The following CCDC171 variants were observed in gnomAD, a reference collection of about 807,000 sequenced individuals.
CCDC171 encodes coiled-coil domain-containing protein 171.
In CCDC171, 177 loss-of-function variants were observed where a neutral mutation model predicts 168.2. The observed-to-expected ratio is 1.05, with a 90% confidence interval of 0.93 to 1.19. CCDC171 has a LOEUF of 1.19. Ranked by LOEUF, CCDC171 falls within the 50% of genes most tolerant of loss-of-function variation. CCDC171 has a pLI of 0.00. For missense variants in CCDC171, 1,991 were observed against 1,539.0 expected, an observed-to-expected ratio of 1.29 and a Z score of -4.91; for synonymous variants, 687 against 540.8, an observed-to-expected ratio of 1.27 and a Z score of -3.75.
At position 15,817,770 on chromosome 9, in the gene CCDC171, A is replaced by G. The variant is rs1489870931; in HGVS notation, c.3268-28932A>G. Among the ~76,000 whole-genome samples the G allele has an allele frequency of 6.7e-5, 8 of 118,708 alleles. 4 individuals are homozygous for G. The highest frequency in any genetic ancestry group is 1.5e-4 in the Non-Finnish European group (8 of 52,576). 77.9% of individuals were successfully genotyped at this position (118,708 alleles called of 152,430 possible). ...CTCTGTAGGCTCTACCTCTGGGGGC[A>G]GGGCACAGACAAACAAAAGGCAGCA... On this transcript the variant is annotated intron_variant, in intron 21 of 25. Transcript: ENST00000380701.
At chr9:15,698,216 C>G (rs2051369920) in intron 11 of CCDC171, among the ~76,000 whole-genome samples, 1 of 152,090 alleles carries the variant, frequency 6.6e-6, no homozygotes, top group African/African-American at 2.4e-5. Flanking sequence ...TTTTTTAGCT[C>G]TCATGTGTGA....
At chr9:16,082,373 A>C in the CCDC171 span, among the ~76,000 whole-genome samples, 1 of 152,200 alleles carries the variant, frequency 6.6e-6, no homozygotes, top group Non-Finnish European at 1.5e-5. Context: ...AGCAGGTCAC[A>C]TGAGTTTCCA....
chr9:15,793,778 A>T (rs1428332899), intron 21 of CCDC171, among the ~76,000 whole-genome samples: 1 of 151,578 alleles, frequency 6.6e-6, no homozygotes, highest in Non-Finnish European at 1.5e-5. Flanking sequence ...CGATCTCCTC[A>T]CCTCGTGACC....
chr9:15,784,710 G>A lies in CCDC171; in HGVS notation c.3267+16G>A. 6.3e-7 allele frequency: 1 copy of A among 1,587,906 alleles called. No homozygotes were observed. The highest frequency in any genetic ancestry group is 1.7e-5 in the Admixed American group (1 of 59,058). On this transcript the variant is annotated intron_variant, in intron 21 of 25. Transcript: ENST00000380701. The stretch of plus-strand genomic sequence containing the variant: ...AGCTGTTAAGGTAAGAGAATAAAGG[G>A]ATATTTGCATAAAGGGATATTTTAT...
intron 6 of CCDC171, among the ~76,000 whole-genome samples, chr9:15,618,186 C>T (rs1192660474): frequency 6.6e-6 from 1 of 152,184 alleles, no homozygotes; most frequent in African/African-American, 2.4e-5. Context: ...AAGCTCCTGA[C>T]TGAACTGCTG....
chr9:15,626,783 T>C (rs1354034312), intron 7 of CCDC171, among the ~76,000 whole-genome samples: 3 of 152,174 alleles, frequency 2.0e-5, no homozygotes, highest in East Asian at 1.9e-4. Flanking sequence ...CTCTTTTTTT[T>C]AGTTGTGTCT....
chr9:15,751,100 C>G (rs1416523872), intron 18 of CCDC171, among the ~76,000 whole-genome samples: 1 of 152,136 alleles, frequency 6.6e-6, no homozygotes, highest in Non-Finnish European at 1.5e-5. Context: ...AATCAATGTG[C>G]AAAAATCACA....
intron 18 of CCDC171, among the ~76,000 whole-genome samples, chr9:15,773,343 A>G (rs1220795691): frequency 6.6e-6 from 1 of 152,190 alleles, no homozygotes; most frequent in African/African-American, 2.4e-5. Context: ...TGTTGCAATA[A>G]CTTTTCAATG....
chr9:15,611,497 A>C (rs954660556), intron 6 of CCDC171, among the ~76,000 whole-genome samples: 2 of 152,196 alleles, frequency 1.3e-5, no homozygotes, highest in African/African-American at 2.4e-5. Flanking sequence ...TTCCCTAGAA[A>C]GAAATCTTTC....
intron 10 of CCDC171, among the ~76,000 whole-genome samples, chr9:15,686,519 A>T (rs2050404936): frequency 1.3e-5 from 2 of 152,110 alleles, no homozygotes; most frequent in Admixed American, 1.3e-4. Context: ...CATCTAAAAA[A>T]ATAAAAAAAT....
At chr9:15,940,426 A>G (rs1827581942) in intron 25 of CCDC171, among the ~76,000 whole-genome samples, 2 of 151,890 alleles carry the variant, frequency 1.3e-5, no homozygotes, top group Non-Finnish European at 2.9e-5. Context: ...TGACTTCTCA[A>G]CTTCCCACAT....
intron 7 of CCDC171, among the ~76,000 whole-genome samples, chr9:15,640,832 T>C (rs1587665787): frequency 6.6e-6 from 1 of 152,284 alleles, no homozygotes; most frequent in East Asian, 1.9e-4. Flanking sequence ...TTGGAGACTC[T>C]GACCCTCTGA....
chr9:15,617,289 A>G (rs1476201305), intron 6 of CCDC171, among the ~76,000 whole-genome samples: 2 of 151,168 alleles, frequency 1.3e-5, no homozygotes, highest in Non-Finnish European at 2.9e-5. Flanking sequence ...AATTTTCAGC[A>G]TTTTTGTGCT....
At chr9:15,886,124 C>T (rs575679265) in intron 24 of CCDC171, 12 of 151,932 alleles carry the variant, frequency 7.9e-5, no homozygotes, top group Non-Finnish European at 8.8e-5. Context: ...CAATAATCAA[C>T]TCAAAATGGA....
At chr9:16,019,924 C>T (rs922758242) in intron 3 of CCDC171, among the ~76,000 whole-genome samples, 6 of 152,058 alleles carry the variant, frequency 3.9e-5, no homozygotes, top group South Asian at 4.1e-4. Context: ...TTTTAAAATG[C>T]GAATCAATAT....
intron 6 of CCDC171, among the ~76,000 whole-genome samples, chr9:15,610,816 C>A (rs934690276): frequency 2.0e-5 from 3 of 152,038 alleles, no homozygotes; most frequent in South Asian, 2.1e-4. Context: ...GCCTTGGCCT[C>A]CCAAAATCCT....
chr9:15,839,881 G>GA (rs1340332703), intron 21 of CCDC171, among the ~76,000 whole-genome samples: 2 of 152,032 alleles, frequency 1.3e-5, no homozygotes, highest in African/African-American at 4.8e-5. Context: ...ATCCAGTGAA[G>GA]AAACTTTTAA....
chr9:15,646,937 A>G (rs1467888808), intron 7 of CCDC171, among the ~76,000 whole-genome samples: 2 of 152,220 alleles, frequency 1.3e-5, no homozygotes, highest in East Asian at 3.8e-4. Flanking sequence ...CCCCAAATCA[A>G]CAGAATATAC....
At chr9:15,905,118 C>T (rs1448855269) in intron 24 of CCDC171, among the ~76,000 whole-genome samples, 1 of 152,214 alleles carries the variant, frequency 6.6e-6, no homozygotes, top group Non-Finnish European at 1.5e-5. Context: ...ATCAACGAGA[C>T]AGAAAGTTAA....
Sources: allele counts gnomAD v4.1 joint callset (sites outside exome capture counted in the v4.1 genomes callset), GRCh38; gene constraint gnomAD v4.1.1; transcripts MANE v1.5; gene names NCBI Gene and HGNC (gene_info 2026-07-23, HGNC 2026-07-21).